ZP4: variants seen among roughly 807,000 people sequenced by gnomAD.
ZP4 encodes the protein zona pellucida glycoprotein 4, also known as zona pellucida sperm-binding protein 4.
Under a neutral mutation model 62.3 loss-of-function variants are expected in ZP4, and 62 were observed. The ratio of observed to expected loss-of-function variants is 0.99; its 90% CI spans 0.81 to 1.23. ZP4 has a LOEUF of 1.23. Ranked by LOEUF, ZP4 falls within the 50% of genes most tolerant of loss-of-function variation. ZP4 has a pLI of 0.00. For missense variants in ZP4, 774 were observed against 656.0 expected (o/e 1.18, Z -1.97); for synonymous variants, 289 against 247.3 (o/e 1.17, Z -1.58).
chr1:237,890,900 A>T lies in ZP4; in HGVS notation c.-265T>A. On this transcript the variant is annotated 5_prime_UTR_variant, in exon 1 of 12. Coordinates refer to ENST00000366570, the MANE Select transcript of ZP4 (RefSeq NM_021186.5). Reference sequence around the variant, plus strand: ...AGAAAAATGTAGTAACTTTTAGCTAACAGAAAGGAAGGAAAGAAAGCTTCC... The same window carrying T: ...AGAAAAATGTAGTAACTTTTAGCTATCAGAAAGGAAGGAAAGAAAGCTTCC... 1 of 349,396 alleles carries T rather than the reference A, an allele frequency of 2.9e-6. No individual in the cohort carries two copies. The highest frequency in any genetic ancestry group is 6.9e-5 in the South Asian group (1 of 14,564). The allele number at this position is 349,396 out of a possible 1,614,324, so 21.6% of individuals were successfully genotyped here.
intron 5 of ZP4, among the ~76,000 whole-genome samples, chr1:237,887,108 C>T (rs904449251): frequency 1.3e-5 from 2 of 152,182 alleles, no homozygotes; most frequent in Non-Finnish European, 2.9e-5. Context: ...CTACCAATTC[C>T]AGTCAGCATC....
Position 237,884,831 on chromosome 1 carries a change from C to T in ZP4, c.1328G>A (p.Ser443Asn). The stretch of plus-strand genomic sequence containing the variant: ...CTCAGCAGGCTGGCAGACTGACACG[C>T]TGCAGTGCAGATGCACCTGGGAGCC... ...ALRGPVHLHC[S>N]VSVCQPAETP... The change falls in exon 10 of 12, where the codon AGC becomes AAC. Residue 443 changes from serine (S) to asparagine (N), a missense_variant. By Grantham distance (46) the Ser-to-Asn change is conservative (BLOSUM62 1). Transcript: ENST00000366570. 6.2e-7 allele frequency: 1 copy of T among 1,613,468 alleles called. No homozygotes were observed. The highest frequency in any genetic ancestry group is 1.1e-5 in the South Asian group (1 of 90,800).
chr1:237,882,500 G>C lies in ZP4; in HGVS notation c.1545C>G (p.Thr515=). The C allele has an allele frequency of 6.2e-7, 1 of 1,608,468 alleles. No individual in the cohort carries two copies. Residue 515 remains threonine (T), a synonymous_variant, in exon 12 of 12, where the codon ACC becomes ACG. Coordinates refer to ENST00000366570, the MANE Select transcript of ZP4 (RefSeq NM_021186.5). ...KVLWVAGLSG[T]LILGALLVSY... ...ATACTAACAAGGCTCCAAGGATTAA[G>C]GTCCCAGAAAGGCCTGCCACCCACA...
chr1:237,890,698 C>A lies in ZP4; in HGVS notation c.-63G>T. The A allele has an allele frequency of 1.9e-6, 3 of 1,545,598 alleles. No individual in the cohort carries two copies. In the South Asian group the frequency reaches 3.7e-5, roughly 19 times the overall value. ...GCCTCCTCTCCCAAGAGCCGAGGGT[C>A]TGCCTGCCCAGATTCCTTTATATAC... On this transcript the variant is annotated 5_prime_UTR_variant, in exon 1 of 12. Transcript: ENST00000366570.
At chr1:237,884,919 C>A in intron 9 of ZP4, 72 bp from the exon 10 acceptor site, 1 of 1,505,816 alleles carries the variant, frequency 6.6e-7, no homozygotes, top group East Asian at 2.3e-5. Flanking sequence ...CTTTGCCTCC[C>A]CAGGAAGAGG....
At chr1:237,884,014 ACAAACACACAC>A (rs1558531022) in intron 10 of ZP4, among the ~76,000 whole-genome samples, 3 of 78,650 alleles carry the variant, frequency 3.8e-5, no homozygotes, top group East Asian at 3.9e-4. Flanking sequence ...ACACACACAC[ACAAACACACAC>A]ACACACAAAC....
intron 10 of ZP4, among the ~76,000 whole-genome samples, chr1:237,883,997 C>CACACACACACAA (rs1665018804): frequency 1.2e-4 from 12 of 98,936 alleles, no homozygotes; most frequent in African/African-American, 4.8e-4. Flanking sequence ...CACACACACA[C>CACACACACACAA]ACACACACAC....
At position 237,884,776 on chromosome 1, in the gene ZP4, A is replaced by C. The variant is rs1457637178; in HGVS notation, c.1383T>G (p.Asp461Glu). The C allele has an allele frequency of 6.2e-7, 1 of 1,613,598 alleles. No individual in the cohort carries two copies. The highest frequency in any genetic ancestry group is 1.7e-5 in the Admixed American group (1 of 59,960). The change falls in exon 10 of 12, where the codon GAT (aspartate) becomes GAG (glutamate). Residue 461 changes from aspartate to glutamate, a missense_variant. Coordinates refer to ENST00000366570, the MANE Select transcript of ZP4 (RefSeq NM_021186.5). ...AACAGCTTGGTTACTCACGACTGAG[A>C]TCAGGACAGGTCACCACACAGGATG... The part of the protein sequence containing the change: ...ETPSCVVTCP[D>E]LSRRRNFDNS...
intron 1 of ZP4, 107 bp downstream of exon 1, chr1:237,890,354 C>T (rs1665211660): frequency 6.7e-7 from 1 of 1,492,790 alleles, no homozygotes. Flanking sequence ...AAAGATGCAA[C>T]AGGGCTCAGA....
chr1:237,886,000 T>C, intron 6 of ZP4, 114 bp from the exon 7 acceptor site: 2 of 1,423,518 alleles, frequency 1.4e-6, no homozygotes, highest in Non-Finnish European at 1.9e-6. Flanking sequence ...ATAAGTGTGA[T>C]GGATGTGGTT....
intron 10 of ZP4, among the ~76,000 whole-genome samples, chr1:237,883,979 CACAA>C (rs879548980): frequency 0.049 from 1,913 of 39,008 alleles, 34 homozygotes; most frequent in African/African-American, 0.062. Context: ...CACACACACA[CACAA>C]ACACACACAC....
intron 3 of ZP4, 130 bp downstream of exon 3, chr1:237,889,737 G>C: frequency 3.6e-6 from 3 of 824,596 alleles, no homozygotes; most frequent in Non-Finnish European, 6.1e-6. Flanking sequence ...ATGGAGGTGA[G>C]AGTTGGGACA....
In ZP4 at chr1:237,883,775, GAGAGAGGA is replaced by G. The variant is rs1558530328; in HGVS notation, c.1391-937_1391-930del. Among the ~76,000 whole-genome samples, 216 of 144,822 alleles carry G rather than the reference GAGAGAGGA, an allele frequency of 1.5e-3. 3 individuals carry two copies. The highest frequency in any genetic ancestry group is 3.5e-3 in the Middle Eastern group (1 of 286). Reference sequence around the variant, plus strand: ...AGGGAGAGAGAGGGAGAGAGAGGAAGAGAGAGGAAGAGAGAGGAAGAGAGAGGAAGAGA... The same window carrying G: ...AGGGAGAGAGAGGGAGAGAGAGGAAGAGAGAGAGGAAGAGAGAGGAAGAGA... On this transcript the variant is annotated intron_variant, in intron 10 of 11. Coordinates refer to ENST00000366570, the MANE Select transcript of ZP4 (RefSeq NM_021186.5).
At position 237,882,512 on chromosome 1, in the gene ZP4, G is replaced by A. The variant is rs768103202; in HGVS notation, c.1533C>T (p.Gly511=). Residue 511 remains glycine (G), a synonymous_variant, in exon 12 of 12, where the codon GGC becomes GGT. Transcript: ENST00000366570. ...PVDSKVLWVA[G]LSGTLILGAL... ...CTCCAAGGATTAAGGTCCCAGAAAG[G>A]CCTGCCACCCACAGAACTTTCGAGT... is the stretch of plus-strand genomic sequence containing the variant. 1.2e-6 allele frequency: 2 copies of A among 1,606,926 alleles called. No homozygotes were observed. Among genetic ancestry groups the A allele is most frequent in the Non-Finnish European group, 1.7e-6 (2 of 1,178,124 alleles).
chr1:237,885,638 G>C (rs1023174725), intron 7 of ZP4, 58 bp from the exon 8 acceptor site: 2 of 1,596,888 alleles, frequency 1.3e-6, no homozygotes, highest in Non-Finnish European at 1.7e-6. Context: ...TTGAGGGACT[G>C]TCACCCCTTT....
At chr1:237,884,719 T>C (rs1386554057) in intron 10 of ZP4, 50 bp downstream of exon 10, 2 of 1,548,552 alleles carry the variant, frequency 1.3e-6, no homozygotes, top group Non-Finnish European at 1.8e-6. Context: ...AGGTTAGACA[T>C]GGGACTCAAG....
chr1:237,888,340 G>A lies in ZP4; in HGVS notation c.553+18C>T, dbSNP rs1374511985. 1.9e-6 allele frequency: 3 copies of A among 1,551,700 alleles called. No individual in the cohort carries two copies. The highest frequency in any genetic ancestry group is 1.8e-5 in the Admixed American group (1 of 56,156). The stretch of plus-strand genomic sequence containing the variant: ...CACACTTCCTCAGCTGGTTTCAGAG[G>A]TGTGCTCACTTACTCACCAGTGTTT... On this transcript the variant is annotated intron_variant, in intron 4 of 11. Coordinates refer to ENST00000366570, the MANE Select transcript of ZP4 (RefSeq NM_021186.5).
At chr1:237,882,953 T>C (rs2794814) in intron 10 of ZP4, 107 bp from the exon 11 acceptor site, 474,374 of 858,814 alleles carry the variant, frequency 0.55, 135,108 homozygotes, top group African/African-American at 0.87. Flanking sequence ...CTTGGTTCTA[T>C]GCCTTACAAA....
intron 3 of ZP4, 35 bp downstream of exon 3, chr1:237,889,832 A>AC (rs1022883465): frequency 6.7e-6 from 6 of 896,990 alleles, no homozygotes; most frequent in African/African-American, 3.4e-5. Context: ...CACCCCCACC[A>AC]CCCCCACAAG....
Sources: allele counts gnomAD v4.1 joint callset (sites outside exome capture counted in the v4.1 genomes callset), GRCh38; gene constraint gnomAD v4.1.1; transcripts MANE v1.5; gene names NCBI Gene and HGNC (gene_info 2026-07-23, HGNC 2026-07-21).